UBE2V2: variants seen among roughly 807,000 people sequenced by gnomAD.
UBE2V2 encodes ubiquitin-conjugating enzyme E2 variant 2.
Under a neutral mutation model 17.2 loss-of-function variants are expected in UBE2V2, and 9 were observed. The ratio of observed to expected loss-of-function variants is 0.52; its 90% CI spans 0.32 to 0.91. The LOEUF is 0.91. UBE2V2 is among the 40% of genes least tolerant of loss of function. UBE2V2 has a pLI of 0.04. For synonymous variants in UBE2V2, 61 were observed against 57.5 expected (o/e 1.06, Z -0.28); for missense variants, 133 against 182.6 (o/e 0.73, Z 1.56).
At chr8:48,008,517 C>T in intron 1 of UBE2V2, 47 bp downstream of exon 1, 7 of 1,546,278 alleles carry the variant, frequency 4.5e-6, no homozygotes, top group Non-Finnish European at 6.1e-6. Flanking sequence ...CGACCCGGCT[C>T]TGCCCCTCCG....
chr8:48,008,399 T>C, upstream of UBE2V2: 1 of 1,551,320 alleles, frequency 6.4e-7, no homozygotes, highest in South Asian at 1.2e-5. Context: ...CTCCCGGAAG[T>C]GACGCGCGAC....
chr8:48,057,794 T>G (rs1180082354), intron 3 of UBE2V2, among the ~76,000 whole-genome samples: 2 of 152,204 alleles, frequency 1.3e-5, no homozygotes, highest in Non-Finnish European at 2.9e-5. Flanking sequence ...GTTGCAAGTG[T>G]AAAGAAAAAC....
intron 1 of UBE2V2, among the ~76,000 whole-genome samples, chr8:48,023,245 A>G (rs897544200): frequency 1.1e-4 from 16 of 148,698 alleles, no homozygotes; most frequent in Non-Finnish European, 4.5e-5. Flanking sequence ...GAGACAGAGT[A>G]TTGCTCTATC....
intron 1 of UBE2V2, among the ~76,000 whole-genome samples, chr8:48,011,927 T>A (rs1294817764): frequency 2.6e-5 from 4 of 152,052 alleles, no homozygotes; most frequent in Non-Finnish European, 5.9e-5. Flanking sequence ...GGATTACAGG[T>A]TTGAGCCACT....
intron 2 of UBE2V2, 62 bp from the exon 3 acceptor site, chr8:48,049,791 A>C: frequency 1.4e-6 from 2 of 1,435,224 alleles, no homozygotes; most frequent in Admixed American, 2.3e-5. Context: ...TTTTTTTAGC[A>C]CTTAGACATT....
At chr8:48,026,661 T>TA (rs1168813798) in intron 1 of UBE2V2, among the ~76,000 whole-genome samples, 6 of 152,318 alleles carry the variant, frequency 3.9e-5, no homozygotes, top group African/African-American at 1.4e-4. Context: ...TGTGTAGATT[T>TA]ATATATTATG....
chr8:48,003,698 A>G (rs1398799378), upstream of UBE2V2, among the ~76,000 whole-genome samples: 2 of 152,226 alleles, frequency 1.3e-5, no homozygotes, highest in Non-Finnish European at 2.9e-5. Flanking sequence ...TTTTTGCTGT[A>G]CTAACTTCTT....
intron 1 of UBE2V2, among the ~76,000 whole-genome samples, chr8:48,041,023 C>T (rs1220808873): frequency 2.6e-5 from 4 of 151,020 alleles, no homozygotes; most frequent in Admixed American, 1.3e-4. Flanking sequence ...CGCCACCACG[C>T]CTGGCTAATT....
Position 48,060,963 on chromosome 8 carries a change from A to C in UBE2V2, c.*135A>C. On this transcript the variant is annotated 3_prime_UTR_variant, in exon 4 of 4. Transcript: ENST00000523111. ...TAAACATGACCTGGACATTTGTAAG[A>C]ATATATTTAATATATGTACACCCAT... The C allele has an allele frequency of 1.3e-6, 1 of 760,958 alleles. No homozygotes were observed. Among genetic ancestry groups the C allele is most frequent in the Non-Finnish European group, 1.8e-6 (1 of 543,578 alleles). The allele number at this position is 760,958 out of a possible 1,614,324, so 47.1% of individuals were successfully genotyped here. A position where few individuals can be genotyped will look rare whatever the true frequency, so the allele number is the denominator to read the frequency against.
chr8:48,049,402 T>C (rs1300779149), intron 2 of UBE2V2, among the ~76,000 whole-genome samples: 1 of 152,292 alleles, frequency 6.6e-6, no homozygotes, highest in Middle Eastern at 3.4e-3. Context: ...TCTGGGACAA[T>C]AGGAATAAGC....
intron 1 of UBE2V2, chr8:48,035,131 T>TTTTC: frequency 1.1e-6 from 1 of 912,072 alleles, no homozygotes; most frequent in Non-Finnish European, 1.3e-6. Context: ...TTTTTTTTTT[T>TTTTC]TGGAGGTGGA....
At chr8:48,045,353 G>A (rs2091491904) in intron 2 of UBE2V2, among the ~76,000 whole-genome samples, 1 of 152,206 alleles carries the variant, frequency 6.6e-6, no homozygotes, top group African/African-American at 2.4e-5. Flanking sequence ...AGAGTGGACA[G>A]TGATGCAACA....
intron 1 of UBE2V2, among the ~76,000 whole-genome samples, chr8:48,038,752 A>G (rs572182224): frequency 1.3e-3 from 201 of 151,948 alleles, no homozygotes; most frequent in Non-Finnish European, 2.7e-3. Flanking sequence ...AAGTGCTGGG[A>G]TTACAGGCGT....
At chr8:48,036,364 T>A (rs1182024816) in intron 1 of UBE2V2, among the ~76,000 whole-genome samples, 1 of 152,116 alleles carries the variant, frequency 6.6e-6, no homozygotes, top group Non-Finnish European at 1.5e-5. Flanking sequence ...CTTCACTTAC[T>A]AGTGGGAGGA....
chr8:48,005,228 C>T (rs1166518813), upstream of UBE2V2, among the ~76,000 whole-genome samples: 1 of 151,800 alleles, frequency 6.6e-6, no homozygotes, highest in African/African-American at 2.4e-5. Flanking sequence ...TCCATGTGTT[C>T]TCACTGTTCA....
At chr8:48,028,338 CTTT>C (rs775995878) in intron 1 of UBE2V2, among the ~76,000 whole-genome samples, 11 of 127,286 alleles carry the variant, frequency 8.6e-5, no homozygotes, top group Non-Finnish European at 8.5e-5. Context: ...CGGCTGTTTT[CTTT>C]TTTTTTTTTT....
At chr8:48,011,479 A>G (rs1295435843) in intron 1 of UBE2V2, among the ~76,000 whole-genome samples, 1 of 152,152 alleles carries the variant, frequency 6.6e-6, no homozygotes, top group East Asian at 1.9e-4. Context: ...AGCTTGGTCT[A>G]ATACACGTGT....
chr8:48,037,461 T>C (rs2091432305), intron 1 of UBE2V2, among the ~76,000 whole-genome samples: 1 of 152,250 alleles, frequency 6.6e-6, no homozygotes, highest in South Asian at 2.1e-4. Flanking sequence ...AAGTTGTATG[T>C]ATACCACTGA....
At chr8:48,059,707 G>A (rs954392702) in intron 3 of UBE2V2, among the ~76,000 whole-genome samples, 2 of 152,118 alleles carry the variant, frequency 1.3e-5, no homozygotes, top group Non-Finnish European at 2.9e-5. Context: ...CACCGCATCC[G>A]GCCCACCTTC....
Sources: allele counts gnomAD v4.1 joint callset (sites outside exome capture counted in the v4.1 genomes callset), GRCh38; gene constraint gnomAD v4.1.1; transcripts MANE v1.5; gene names NCBI Gene and HGNC (gene_info 2026-07-23, HGNC 2026-07-21).